Variants in SUN1 observed in about 807,000 individuals in gnomAD.
The protein encoded by SUN1 is SUN domain-containing protein 1.
SUN1 carries 61 observed loss-of-function variants against 103.2 expected under a neutral mutation model. That is an observed-to-expected ratio of 0.59 (90% confidence interval 0.48 to 0.73). SUN1 has a LOEUF of 0.73. Ranked by LOEUF, SUN1 falls within the 30% of genes least tolerant of loss-of-function variation. The pLI is 0.00. For missense variants in SUN1, 1,052 were observed against 1,034.6 expected (o/e 1.02, Z -0.23); for synonymous variants, 490 against 425.7 (o/e 1.15, Z -1.86).
chr7:870,463 G>A lies in SUN1; in HGVS notation c.2148+947G>A, dbSNP rs902629109. ...AAGTTAGCCAGGCTTATGCGTGCCTGTCATCCCAGCTATTCGGGAGGCTGA... is the reference window on the plus strand; with the variant it reads ...AAGTTAGCCAGGCTTATGCGTGCCTATCATCCCAGCTATTCGGGAGGCTGA... On this transcript the variant is annotated intron_variant, in intron 17 of 18. Transcript: ENST00000401592. Among the ~76,000 whole-genome samples the A allele has an allele frequency of 8.6e-5, 13 of 151,980 alleles. 1 individual carries two copies. Among genetic ancestry groups the A allele is most frequent in the Admixed American group, 6.6e-4 (10 of 15,240 alleles).
chr7:816,539 G>A (rs1422591241), upstream of SUN1: 2 of 362,234 alleles, frequency 5.5e-6, no homozygotes, highest in East Asian at 1.5e-4. Flanking sequence ...TTCGGGTGGC[G>A]CGCTCGGGAC....
Position 874,694 on chromosome 7 carries a change from A to T in SUN1, c.*1363A>T, listed in dbSNP as rs1194791394. Reference sequence around the variant, plus strand: ...TATTACAGGTTACATATATAAATCAAAATTTCCTATATAAAACTGATTTGG... The same window carrying T: ...TATTACAGGTTACATATATAAATCATAATTTCCTATATAAAACTGATTTGG... On this transcript the variant is annotated 3_prime_UTR_variant, in exon 19 of 19. Transcript: ENST00000401592. The T allele has an allele frequency of 6.6e-6, 1 of 152,126 alleles. No individual in the cohort carries two copies. Among genetic ancestry groups the T allele is most frequent in the Non-Finnish European group, 1.5e-5 (1 of 68,042 alleles). 9.4% of individuals were successfully genotyped at this position (152,126 alleles called of 1,614,324 possible).
chr7:824,416 C>G (rs57531482), intron 1 of SUN1, among the ~76,000 whole-genome samples: 33 of 152,268 alleles, frequency 2.2e-4, no homozygotes, highest in African/African-American at 7.9e-4. Flanking sequence ...CGGTCCCCAT[C>G]GTACTGGTTA....
intron 13 of SUN1, among the ~76,000 whole-genome samples, chr7:859,010 G>A (rs547941844): frequency 2.6e-5 from 4 of 152,206 alleles, no homozygotes; most frequent in South Asian, 2.1e-4. Flanking sequence ...AAAATTAGCC[G>A]GGTGTGGTGG....
chr7:865,662 C>G (rs1235311215), intron 15 of SUN1, among the ~76,000 whole-genome samples: 2 of 152,150 alleles, frequency 1.3e-5, no homozygotes, highest in Non-Finnish European at 2.9e-5. Context: ...TGGGGACCTC[C>G]AAACCACTCT....
At chr7:826,663 C>T (rs1792341411) in intron 1 of SUN1, among the ~76,000 whole-genome samples, 1 of 152,162 alleles carries the variant, frequency 6.6e-6, no homozygotes, top group South Asian at 2.1e-4. Context: ...CCATTTTAAA[C>T]CAAGGCTTGC....
chr7:827,488 G>C (rs961685353), upstream of SUN1, among the ~76,000 whole-genome samples: 2 of 86,050 alleles, frequency 2.3e-5, no homozygotes, highest in African/African-American at 8.8e-5. Flanking sequence ...TTTTTTTTTT[G>C]AGATGGGGTC....
chr7:856,720 G>A (rs1827763414), intron 12 of SUN1, among the ~76,000 whole-genome samples: 1 of 152,202 alleles, frequency 6.6e-6, no homozygotes. Context: ...AGTAGGTCAA[G>A]GCCCATGTTG....
chr7:830,517 C>T (rs1037184802), upstream of SUN1, among the ~76,000 whole-genome samples: 1 of 152,196 alleles, frequency 6.6e-6, no homozygotes, highest in Non-Finnish European at 1.5e-5. Flanking sequence ...TTAAAATTCA[C>T]GTGATTATGA....
At chr7:851,826 G>A (rs559376860) in intron 6 of SUN1, 124 bp from the exon 7 acceptor site, 5 of 1,002,550 alleles carry the variant, frequency 5.0e-6, no homozygotes, top group African/African-American at 1.6e-5. Flanking sequence ...TAGCATCACC[G>A]AACTTCTTCA....
chr7:853,763 G>C, intron 10 of SUN1, 145 bp downstream of exon 10: 1 of 913,984 alleles, frequency 1.1e-6, no homozygotes, highest in East Asian at 2.6e-5. Flanking sequence ...GTTGAGAGCA[G>C]TGTGCCGGAG....
At position 873,295 on chromosome 7, in the gene SUN1, G is replaced by A. The variant is rs767027264; in HGVS notation, c.2322G>A (p.Leu774=). 26 of 1,614,124 alleles carry A rather than the reference G, an allele frequency of 1.6e-5. No individual in the cohort carries two copies. The highest frequency in any genetic ancestry group is 5.3e-5 in the African/African-American group (4 of 74,938). ...GGGGCCATCCTGAGTATACCTGTCT[G>A]TATCGGTTCAGAGTTCATGGCGAAC... The part of the protein sequence containing the change: ...SNWGHPEYTC[L]YRFRVHGEPV... The change falls in exon 19 of 19, where the codon CTG becomes CTA. Residue 774 remains leucine (L), a synonymous_variant. Coordinates refer to ENST00000401592, the MANE Select transcript of SUN1 (RefSeq NM_001130965.3).
At chr7:816,450 C>T (rs1223548577), upstream of SUN1, among the ~76,000 whole-genome samples, 6 of 148,382 alleles carry the variant, frequency 4.0e-5, no homozygotes, top group African/African-American at 7.5e-5. Flanking sequence ...CCTCCCTCTC[C>T]CCCTCCCCTT....
chr7:864,247 A>C (rs1178713655), intron 15 of SUN1, among the ~76,000 whole-genome samples: 2 of 152,086 alleles, frequency 1.3e-5, no homozygotes, highest in African/African-American at 4.8e-5. Context: ...ACTCTAAGTT[A>C]TTTAAAAATG....
chr7:828,356 C>T (rs968405014), upstream of SUN1, among the ~76,000 whole-genome samples: 1 of 151,738 alleles, frequency 6.6e-6, no homozygotes, highest in African/African-American at 2.4e-5. Context: ...ACTGCAACCT[C>T]CATCTCCTGG....
At chr7:843,811 C>T (rs1297298135) in intron 5 of SUN1, 1 of 1,413,638 alleles carries the variant, frequency 7.1e-7, no homozygotes, top group East Asian at 2.6e-5. Context: ...CAGTCACTTT[C>T]AGATGCACAC....
At chr7:842,801 G>T in intron 3 of SUN1, 1 of 279,648 alleles carries the variant, frequency 3.6e-6, no homozygotes. Flanking sequence ...GCTAATTTTG[G>T]GAAGCCTTGG....
upstream of SUN1, among the ~76,000 whole-genome samples, chr7:828,372 A>G (rs1794787068): frequency 2.0e-5 from 3 of 151,660 alleles, no homozygotes; most frequent in South Asian, 4.2e-4. Context: ...CCTGGGTTCA[A>G]TCAGTTCTCC....
At position 855,261 on chromosome 7, in the gene SUN1, C is replaced by T. The variant is rs138484372; in HGVS notation, c.1350+255C>T. Among the ~76,000 whole-genome samples, 438 of 152,362 alleles carry T rather than the reference C, an allele frequency of 2.9e-3. 5 individuals are homozygous for T. Among genetic ancestry groups the T allele is most frequent in the African/African-American group, 9.9e-3 (411 of 41,578 alleles). The stretch of plus-strand genomic sequence containing the variant: ...GGGCTGCACACGCCAGGAGGTGGTT[C>T]TGCCGATTCCAGGCGGCCTCTGGGT... On this transcript the variant is annotated intron_variant, in intron 11 of 18. Coordinates refer to ENST00000401592, the MANE Select transcript of SUN1 (RefSeq NM_001130965.3).
Sources: gnomAD v4.1 joint callset for allele counts (sites outside exome capture counted in the v4.1 genomes callset) on GRCh38, gnomAD v4.1.1 for gene constraint, MANE v1.5 for transcripts, NCBI Gene and HGNC (gene_info 2026-07-23, HGNC 2026-07-21) for gene names.